Variants in SPATA7 observed in about 807,000 individuals in gnomAD.
SPATA7 encodes spermatogenesis-associated protein 7.
SPATA7 carries 43 observed loss-of-function variants against 51.8 expected under a neutral mutation model. The ratio of observed to expected loss-of-function variants is 0.83; its 90% CI spans 0.65 to 1.07. SPATA7 has a LOEUF of 1.07. SPATA7 is among the 50% of genes least tolerant of loss of function. SPATA7 has a pLI of 0.00. For synonymous variants in SPATA7, 230 were observed against 252.8 expected (o/e 0.91, Z 0.86); for missense variants, 683 against 701.3 (o/e 0.97, Z 0.30).
At chr14:88,404,074 A>G (rs888615738) in intron 4 of SPATA7, among the ~76,000 whole-genome samples, 1 of 152,166 alleles carries the variant, frequency 6.6e-6, no homozygotes, top group Non-Finnish European at 1.5e-5. Context: ...AACCTGATAT[A>G]TATATAAACT....
intron 1 of SPATA7, among the ~76,000 whole-genome samples, chr14:88,388,131 G>T (rs1438275529): frequency 6.6e-6 from 1 of 152,124 alleles, no homozygotes. Flanking sequence ...GAACCTGGGA[G>T]GGGGAGGTTG....
intron 10 of SPATA7, among the ~76,000 whole-genome samples, chr14:88,435,358 G>T (rs1403253183): frequency 2.6e-5 from 4 of 152,136 alleles, no homozygotes; most frequent in African/African-American, 9.7e-5. Flanking sequence ...TTTGATACAG[G>T]CAAGCATTGT....
intron 4 of SPATA7, among the ~76,000 whole-genome samples, chr14:88,400,926 A>G (rs1447730195): frequency 6.6e-6 from 1 of 152,210 alleles, no homozygotes; most frequent in Non-Finnish European, 1.5e-5. Flanking sequence ...AAATATTCAA[A>G]GAAAGGATAG....
chr14:88,427,324 AT>A lies in SPATA7; in HGVS notation c.846-303del, dbSNP rs1432622075. On this transcript the variant is annotated intron_variant, in intron 6 of 11. Transcript: ENST00000393545. Reference sequence around the variant, plus strand: ...CTTGTCAAGTTTTGAGATTTAGCAGATTTGTGATTGTGATTGTTTTTCTAGT... The same window carrying A: ...CTTGTCAAGTTTTGAGATTTAGCAGATTGTGATTGTGATTGTTTTTCTAGT... 3.9e-5 allele frequency among the ~76,000 whole-genome samples: 6 copies of A among 152,330 alleles called. No homozygotes were observed. The East Asian group carries it at 9.6e-4, about 24-fold the overall frequency.
At chr14:88,447,085 GT>G (rs1395692640) in intron 3 of SPATA7, among the ~76,000 whole-genome samples, 2 of 151,192 alleles carry the variant, frequency 1.3e-5, no homozygotes, top group Non-Finnish European at 3.0e-5. Flanking sequence ...ACAGTGGGGT[GT>G]TAAAGTCTCC....
In SPATA7 at chr14:88,393,488, G is replaced by T. The variant is rs1258488697; in HGVS notation, c.190G>T (p.Ala64Ser). 6.3e-7 allele frequency: 1 copy of T among 1,591,812 alleles called. No individual in the cohort carries two copies. The highest frequency in any genetic ancestry group is 1.7e-5 in the Admixed American group (1 of 58,354). ...CTATAATAAAATCCTTTCAGCCAAAGGTAAAAATGTGCAAATGTGAACTCT... is the reference window on the plus strand; with the variant it reads ...CTATAATAAAATCCTTTCAGCCAAATGTAAAAATGTGCAAATGTGAACTCT... ...VHYNKILSAK[A>S]AVDCSVPVSV... The change falls in exon 3 of 12, where the codon GCT becomes TCT. Residue 64 changes from alanine (A) to serine (S), a missense_variant and splice_region_variant. Coordinates refer to ENST00000393545, the MANE Select transcript of SPATA7 (RefSeq NM_018418.5).
chr14:88,397,389 G>T (rs913880230), intron 4 of SPATA7, among the ~76,000 whole-genome samples: 30 of 149,768 alleles, frequency 2.0e-4, no homozygotes, highest in South Asian at 1.2e-3. Flanking sequence ...AGGCACAGTG[G>T]CTCACACCTA....
In SPATA7 at chr14:88,427,810, T is replaced by C. The variant is rs1595274843; in HGVS notation, c.912+114T>C. ...AAGAATAATCTGTTGGTGGCACTTA[T>C]CATACATGATATAGCCAGTATACAG... On this transcript the variant is annotated intron_variant, in intron 7 of 11. Coordinates refer to ENST00000393545, the MANE Select transcript of SPATA7 (RefSeq NM_018418.5). 1.0e-5 allele frequency: 8 copies of C among 799,988 alleles called. No homozygotes were observed. In the East Asian group the frequency reaches 1.1e-4, roughly 11 times the overall value. 49.6% of individuals were successfully genotyped at this position (799,988 alleles called of 1,614,324 possible).
intron 4 of SPATA7, among the ~76,000 whole-genome samples, chr14:88,463,856 G>GTT (rs58851498): frequency 6.6e-6 from 1 of 150,520 alleles, no homozygotes; most frequent in African/African-American, 2.4e-5. Flanking sequence ...TTTTTGTTTT[G>GTT]TTTTTTTTTG....
At chr14:88,452,792 C>G (rs1243137734) in intron 3 of SPATA7, among the ~76,000 whole-genome samples, 1 of 152,192 alleles carries the variant, frequency 6.6e-6, no homozygotes, top group Non-Finnish European at 1.5e-5. Flanking sequence ...CACTTGCTAA[C>G]ACAATAAAGT....
At chr14:88,417,132 G>T (rs574725567) in intron 5 of SPATA7, among the ~76,000 whole-genome samples, 22 of 152,150 alleles carry the variant, frequency 1.4e-4, no homozygotes, top group Admixed American at 4.6e-4. Context: ...GCAGACCCCA[G>T]TTATAGGTTT....
chr14:88,391,640 C>T lies in SPATA7; in HGVS notation c.94+185C>T, dbSNP rs59855016. 0.012 allele frequency: 7,696 copies of T among 659,420 alleles called. 428 individuals are homozygous for T. The African/African-American group carries it at 0.12, about 10-fold the overall frequency. 40.8% of individuals were successfully genotyped at this position (659,420 alleles called of 1,614,324 possible). The stretch of plus-strand genomic sequence containing the variant: ...GAATTTTGGAGTCTATGATTTCAAA[C>T]TATTATTGTGCCCTGGATGTGGACT... On this transcript the variant is annotated intron_variant, in intron 2 of 11. Transcript: ENST00000393545.
At chr14:88,412,563 C>A (rs1485383633) in intron 4 of SPATA7, among the ~76,000 whole-genome samples, 5 of 152,154 alleles carry the variant, frequency 3.3e-5, no homozygotes, top group Non-Finnish European at 4.4e-5. Context: ...AAGGGTGGGT[C>A]TGCCTTCCCC....
intron 4 of SPATA7, among the ~76,000 whole-genome samples, chr14:88,462,465 T>C (rs553493667): frequency 6.6e-6 from 1 of 152,366 alleles, no homozygotes; most frequent in Admixed American, 6.5e-5. Flanking sequence ...GAGTGAATAC[T>C]GAAGATGTTT....
rs2077143034 is a variant in SPATA7 at position 88,438,129 on chromosome 14, G to A, written c.1507G>A (p.Gly503Arg). The part of the protein sequence containing the change: ...MPIYKSKHSE[G>R]VIIQQVNDET... ...TATTTATAAATCAAAGCATTCAGAA[G>A]GGGTTATAATTCAACAGGTGAATGA... Residue 503 changes from glycine to arginine, a missense_variant, in exon 12 of 12, where the codon GGG (glycine) becomes AGG (arginine). By Grantham distance (125) the Gly-to-Arg change is moderately radical. Coordinates refer to ENST00000393545, the MANE Select transcript of SPATA7 (RefSeq NM_018418.5). The A allele has an allele frequency of 1.2e-6, 2 of 1,613,820 alleles. No homozygotes were observed. Among genetic ancestry groups the A allele is most frequent in the South Asian group, 1.1e-5 (1 of 91,008 alleles).
At position 88,391,367 on chromosome 14, in the gene SPATA7, T is replaced by C; in HGVS notation, c.20-14T>C. ...CATTTATCCTAATTTATGATTTTTTTTTCTTGTTAAAAGTCAGAGCAACCT... is the reference window on the plus strand; with the variant it reads ...CATTTATCCTAATTTATGATTTTTTCTTCTTGTTAAAAGTCAGAGCAACCT... On this transcript the variant is annotated splice_polypyrimidine_tract_variant and intron_variant, in intron 1 of 11. Coordinates refer to ENST00000393545, the MANE Select transcript of SPATA7 (RefSeq NM_018418.5). 1.2e-6 allele frequency: 2 copies of C among 1,607,816 alleles called. No individual in the cohort carries two copies. Among genetic ancestry groups the C allele is most frequent in the Non-Finnish European group, 8.5e-7 (1 of 1,175,894 alleles).
At chr14:88,416,508 T>C (rs2076482208) in intron 4 of SPATA7, 1 of 460,262 alleles carries the variant, frequency 2.2e-6, no homozygotes. Flanking sequence ...AAATTAAATG[T>C]GTTAGTTAAT....
At chr14:88,393,646 T>C in intron 3 of SPATA7, 158 bp downstream of exon 3, 1 of 574,742 alleles carries the variant, frequency 1.7e-6, no homozygotes. Flanking sequence ...TCTAGGTACT[T>C]AGCAAATTCA....
chr14:88,470,192 TAAGGA>T (rs1595336922), exon 5 of SPATA7: 1 of 725,844 alleles, frequency 1.4e-6, no homozygotes, highest in East Asian at 2.7e-5. Context: ...TTCAGCAGAA[TAAGGA>T]AAGACTTTTC....
Sources: allele counts gnomAD v4.1 joint callset (sites outside exome capture counted in the v4.1 genomes callset), GRCh38; gene constraint gnomAD v4.1.1; transcripts MANE v1.5; gene names NCBI Gene and HGNC (gene_info 2026-07-23, HGNC 2026-07-21).